Variants in FMN1 observed in about 807,000 individuals in gnomAD.
FMN1 encodes formin 1, also known as formin-1.
In FMN1, 110 loss-of-function variants were observed where a neutral mutation model predicts 132.4. The ratio of observed to expected loss-of-function variants is 0.83; its 90% CI spans 0.71 to 0.97. The LOEUF (loss-of-function observed/expected upper bound fraction) is 0.97. Ranked by LOEUF, FMN1 falls within the 50% of genes least tolerant of loss-of-function variation. The pLI, the probability that FMN1 is intolerant of heterozygous loss-of-function variation, is 0.00. For synonymous variants in FMN1, 722 were observed against 651.7 expected (o/e 1.11, Z -1.64); for missense variants, 1,792 against 1,705.3 (o/e 1.05, Z -0.90).
At chr15:33,064,925 A>T in intron 6 of FMN1, 32 bp downstream of exon 6, 1 of 1,476,174 alleles carries the variant, frequency 6.8e-7, no homozygotes. Context: ...GAAGAGATTC[A>T]TTCCCGGGTC....
At chr15:32,869,725 G>A (rs2059471612) in intron 16 of FMN1, among the ~76,000 whole-genome samples, 1 of 152,114 alleles carries the variant, frequency 6.6e-6, no homozygotes, top group Admixed American at 6.5e-5. Context: ...GAGAAGAGCT[G>A]GTCAGTAGGA....
intron 4 of FMN1, among the ~76,000 whole-genome samples, chr15:33,096,822 G>A (rs561575636): frequency 3.3e-5 from 5 of 152,132 alleles, no homozygotes; most frequent in South Asian, 4.1e-4. Flanking sequence ...GGCTAGTATC[G>A]AACCCCTAGG....
chr15:33,013,398 T>C (rs2034848957), intron 6 of FMN1, among the ~76,000 whole-genome samples: 1 of 152,176 alleles, frequency 6.6e-6, no homozygotes, highest in Non-Finnish European at 1.5e-5. Context: ...TGAATAAATG[T>C]GTCTTTTATT....
intron 20 of FMN1, among the ~76,000 whole-genome samples, chr15:32,774,923 A>G (rs1462188617): frequency 6.6e-6 from 1 of 152,170 alleles, no homozygotes; most frequent in Non-Finnish European, 1.5e-5. Context: ...AGGGAAGGAC[A>G]TGGACATCTG....
chr15:33,114,058 T>C (rs2039816678), intron 4 of FMN1, among the ~76,000 whole-genome samples: 2 of 152,354 alleles, frequency 1.3e-5, no homozygotes, highest in Admixed American at 6.5e-5. Context: ...GCTGGTTTCC[T>C]ACCCAACACC....
chr15:32,985,097 C>T (rs570562868), intron 7 of FMN1, among the ~76,000 whole-genome samples: 1 of 151,590 alleles, frequency 6.6e-6, no homozygotes, highest in African/African-American at 2.4e-5. Context: ...TTAGCAGTTA[C>T]TTATTATCTT....
intron 5 of FMN1, among the ~76,000 whole-genome samples, chr15:33,076,310 A>G (rs2141299361): frequency 6.6e-6 from 1 of 152,328 alleles, no homozygotes; most frequent in Non-Finnish European, 1.5e-5. Flanking sequence ...GAAGACCTGG[A>G]ATTTATTAGA....
In FMN1 at chr15:32,969,357, C is replaced by A; in HGVS notation, c.2344G>T (p.Glu782Ter). 1 of 1,613,986 alleles carries A rather than the reference C, an allele frequency of 6.2e-7. No homozygotes were observed. Among genetic ancestry groups the A allele is most frequent in the Non-Finnish European group, 8.5e-7 (1 of 1,179,890 alleles). Residue 782 changes from glutamate to a stop codon, truncating the protein, a stop_gained, in exon 8 of 21, where the codon GAA becomes TAA. Coordinates refer to ENST00000616417, the MANE Select transcript of FMN1 (RefSeq NM_001277313.2). LOFTEE classifies it high-confidence loss of function. The part of the protein sequence containing the change: ...ELEHRWRGGC[E>*]ERKDVCISTD... ...GAAATGCACACATCTTTCCTCTCTT[C>A]ACAACCCCCTCGCCATCTGTGTTCT...
intron 6 of FMN1, among the ~76,000 whole-genome samples, chr15:33,045,328 G>A (rs188715391): frequency 1.5e-4 from 23 of 152,328 alleles, no homozygotes; most frequent in African/African-American, 2.9e-4. Context: ...ATGGAGTCCA[G>A]GCCAGTAGCA....
intron 10 of FMN1, among the ~76,000 whole-genome samples, chr15:32,924,011 A>G (rs774184912): frequency 5.3e-5 from 8 of 152,194 alleles, no homozygotes; most frequent in Non-Finnish European, 1.2e-4. Context: ...CTGCTTCAAA[A>G]CAGTCAGTCC....
At chr15:32,801,738 TGA>T (rs1211250752) in intron 18 of FMN1, among the ~76,000 whole-genome samples, 3 of 152,204 alleles carry the variant, frequency 2.0e-5, no homozygotes, top group African/African-American at 7.2e-5. Flanking sequence ...GAGCTTGCAG[TGA>T]GCCCAGACTG....
intron 19 of FMN1, among the ~76,000 whole-genome samples, chr15:32,787,081 A>G (rs1452937162): frequency 2.0e-4 from 30 of 152,230 alleles, no homozygotes. Flanking sequence ...AATTCCTGAC[A>G]TAACTATCGC....
At chr15:32,864,703 C>A (rs373772675) in intron 16 of FMN1, among the ~76,000 whole-genome samples, 2 of 152,172 alleles carry the variant, frequency 1.3e-5, no homozygotes, top group African/African-American at 4.8e-5. Flanking sequence ...TAGCTACATA[C>A]ATGGACTTAG....
At chr15:32,931,968 T>C (rs2061129774) in intron 9 of FMN1, among the ~76,000 whole-genome samples, 1 of 152,238 alleles carries the variant, frequency 6.6e-6, no homozygotes, top group African/African-American at 2.4e-5. Flanking sequence ...TTTCTGCATC[T>C]ATCAAAATAT....
intron 4 of FMN1, among the ~76,000 whole-genome samples, chr15:33,093,971 G>T (rs770400943): frequency 1.3e-5 from 2 of 152,186 alleles, no homozygotes; most frequent in Non-Finnish European, 2.9e-5. Flanking sequence ...AACCCATGAA[G>T]ATTGCAGTAT....
intron 17 of FMN1, among the ~76,000 whole-genome samples, chr15:32,848,977 G>GTTTTTTTTTTTTTTTTTTTTTTTT (rs71113479): frequency 1.1e-5 from 1 of 89,550 alleles, no homozygotes; most frequent in Non-Finnish European, 2.1e-5. Flanking sequence ...GTTCTCTTTT[G>GTTTTTTTTTTTTTTTTTTTTTTTT]TTTTTTTTTT....
chr15:33,192,899 T>G, intron 2 of FMN1, among the ~76,000 whole-genome samples: 1 of 152,180 alleles, frequency 6.6e-6, no homozygotes. Flanking sequence ...GGTAGTATTA[T>G]CCCTATTTTA....
intron 7 of FMN1, among the ~76,000 whole-genome samples, chr15:32,988,321 T>TA (rs1566795963): frequency 6.6e-6 from 1 of 152,112 alleles, no homozygotes; most frequent in Non-Finnish European, 1.5e-5. Context: ...CTTTTAATCT[T>TA]AAAAAACAAT....
chr15:32,852,203 T>C (rs759036057), intron 17 of FMN1, among the ~76,000 whole-genome samples: 6 of 152,162 alleles, frequency 3.9e-5, no homozygotes, highest in Non-Finnish European at 8.8e-5. Flanking sequence ...GACCTCACTG[T>C]CTTCCATCTC....
Sources: allele counts gnomAD v4.1 joint callset (sites outside exome capture counted in the v4.1 genomes callset), GRCh38; gene constraint gnomAD v4.1.1; transcripts MANE v1.5; gene names NCBI Gene and HGNC (gene_info 2026-07-23, HGNC 2026-07-21).